The following MACROD2 variants were observed in gnomAD, a reference collection of about 807,000 sequenced individuals.
MACROD2 encodes ADP-ribose glycohydrolase MACROD2.
MACROD2 carries 36 observed loss-of-function variants against 70.4 expected under a neutral mutation model. The observed-to-expected ratio is 0.51, with a 90% CI of 0.39 to 0.68. The LOEUF (loss-of-function observed/expected upper bound fraction) is 0.68. Ranked by LOEUF, MACROD2 falls within the 30% of genes least tolerant of loss-of-function variation. The pLI is 0.00. For missense variants in MACROD2, 496 were observed against 538.4 expected, an observed-to-expected ratio of 0.92 and a Z score of 0.78; for synonymous variants, 172 against 178.8, an observed-to-expected ratio of 0.96 and a Z score of 0.30.
chr20:15,464,693 C>T (rs2046862315), intron 7 of MACROD2, among the ~76,000 whole-genome samples: 1 of 152,222 alleles, frequency 6.6e-6, no homozygotes. Context: ...TGTACCTGTT[C>T]AGATGGTAAT....
chr20:14,429,812 T>C (rs2083975677), intron 3 of MACROD2, among the ~76,000 whole-genome samples: 1 of 152,120 alleles, frequency 6.6e-6, no homozygotes. Context: ...TATAGATCAA[T>C]GGCCCTGCCT....
At chr20:14,734,449 C>T (rs1354664567) in intron 5 of MACROD2, among the ~76,000 whole-genome samples, 4 of 149,534 alleles carry the variant, frequency 2.7e-5, no homozygotes, top group Admixed American at 6.7e-5. Flanking sequence ...TGCAGTGAGC[C>T]GAGATCAAAC....
intron 3 of MACROD2, among the ~76,000 whole-genome samples, chr20:14,354,885 T>C (rs2083158205): frequency 6.6e-6 from 1 of 152,202 alleles, no homozygotes; most frequent in African/African-American, 2.4e-5. Context: ...GAACATGCAG[T>C]ATTTGGTTTT....
At chr20:15,421,659 T>C (rs1378588950) in intron 6 of MACROD2, among the ~76,000 whole-genome samples, 1 of 152,218 alleles carries the variant, frequency 6.6e-6, no homozygotes, top group Non-Finnish European at 1.5e-5. Context: ...GATGCTTGTA[T>C]AGATCTTATA....
chr20:15,124,134 T>G (rs898662121), intron 5 of MACROD2, among the ~76,000 whole-genome samples: 4 of 151,836 alleles, frequency 2.6e-5, no homozygotes, highest in African/African-American at 7.2e-5. Context: ...CTCTCTTTGA[T>G]TTTTTTTGAT....
chr20:14,812,894 A>G (rs1023698492), intron 5 of MACROD2, among the ~76,000 whole-genome samples: 1 of 152,100 alleles, frequency 6.6e-6, no homozygotes, highest in Non-Finnish European at 1.5e-5. Flanking sequence ...TTCAAATGCC[A>G]GTAGCAAGCC....
intron 3 of MACROD2, among the ~76,000 whole-genome samples, chr20:14,456,984 G>C (rs544342200): frequency 6.6e-6 from 1 of 151,816 alleles, no homozygotes; most frequent in South Asian, 2.1e-4. Context: ...CCTGGTTTCC[G>C]TTGGACTTTA....
chr20:14,089,306 G>A (rs2054119309), intron 3 of MACROD2, among the ~76,000 whole-genome samples: 1 of 152,174 alleles, frequency 6.6e-6, no homozygotes, highest in Non-Finnish European at 1.5e-5. Context: ...TGGTGTGGAA[G>A]GAGTGGAACA....
chr20:14,284,137 C>G (rs2082326813), intron 3 of MACROD2, among the ~76,000 whole-genome samples: 1 of 152,144 alleles, frequency 6.6e-6, no homozygotes, highest in Non-Finnish European at 1.5e-5. Flanking sequence ...ATGGCAGTGT[C>G]TGTAGATTGT....
chr20:15,693,703 CT>C (rs1230890558), intron 8 of MACROD2, among the ~76,000 whole-genome samples: 1 of 152,006 alleles, frequency 6.6e-6, no homozygotes, highest in Non-Finnish European at 1.5e-5. Context: ...TCTTTTATTT[CT>C]TTTTTAAAAA....
At chr20:15,181,150 A>G (rs1045598625) in intron 5 of MACROD2, among the ~76,000 whole-genome samples, 2 of 152,210 alleles carry the variant, frequency 1.3e-5, no homozygotes, top group African/African-American at 4.8e-5. Context: ...TCAGCTCTCC[A>G]TATCTACAGG....
chr20:16,000,831 T>C (rs1042835641), intron 15 of MACROD2, among the ~76,000 whole-genome samples: 1 of 152,224 alleles, frequency 6.6e-6, no homozygotes, highest in South Asian at 2.1e-4. Flanking sequence ...TGTAATAATA[T>C]GGATGTTTAT....
intron 9 of MACROD2, among the ~76,000 whole-genome samples, chr20:15,867,013 G>C (rs2064502852): frequency 6.6e-6 from 1 of 152,114 alleles, no homozygotes; most frequent in Non-Finnish European, 1.5e-5. Flanking sequence ...GATTATTCTG[G>C]AGGCTAGAAG....
In MACROD2 at chr20:15,091,055, G is replaced by A. The variant is rs577903257; in HGVS notation, c.419-138885G>A. On this transcript the variant is annotated intron_variant, in intron 5 of 17. Transcript: ENST00000684519. ...CCAACTATAGCATCCTTCAACCAAG[G>A]ATGAGGTGTAAATGCCTCAACTTCC... 2.6e-5 allele frequency among the ~76,000 whole-genome samples: 4 copies of A among 151,960 alleles called. No individual in the cohort carries two copies. The South Asian group carries it at 8.3e-4, about 32-fold the overall frequency.
In MACROD2 at chr20:14,977,480, C is replaced by T. The variant is rs145861024; in HGVS notation, c.419-252460C>T. Among the ~76,000 whole-genome samples, 677 of 150,872 alleles carry T rather than the reference C, an allele frequency of 4.5e-3. 8 individuals carry two copies. Among genetic ancestry groups the T allele is most frequent in the African/African-American group, 0.016 (645 of 40,646 alleles). On this transcript the variant is annotated intron_variant, in intron 5 of 17. Transcript: ENST00000684519. ...AAAAAGATACACACACACACACACA[C>T]ACACACACACACACACACACAATTA...
At chr20:15,956,238 A>G (rs1334849962) in intron 12 of MACROD2, among the ~76,000 whole-genome samples, 2 of 152,226 alleles carry the variant, frequency 1.3e-5, no homozygotes, top group African/African-American at 4.8e-5. Context: ...TCTTGCCTGC[A>G]GAGTTTGATG....
chr20:14,991,302 T>C (rs889328742), intron 5 of MACROD2, among the ~76,000 whole-genome samples: 2 of 152,166 alleles, frequency 1.3e-5, no homozygotes, highest in African/African-American at 4.8e-5. Flanking sequence ...TTGCATCATT[T>C]TTTTTTTAAA....
chr20:15,980,071 GGC>G (rs1242399149), intron 13 of MACROD2, among the ~76,000 whole-genome samples: 20 of 152,206 alleles, frequency 1.3e-4, no homozygotes, highest in Non-Finnish European at 2.6e-4. Flanking sequence ...GGGGGTACGT[GGC>G]AGGGGCTGCA....
chr20:14,683,782 G>A (rs1395268662), intron 4 of MACROD2, among the ~76,000 whole-genome samples: 1 of 152,082 alleles, frequency 6.6e-6, no homozygotes, highest in Non-Finnish European at 1.5e-5. Flanking sequence ...GAGAGGAGAA[G>A]TCTTCAGACC....
Sources: allele counts gnomAD v4.1 joint callset (sites outside exome capture counted in the v4.1 genomes callset), GRCh38; gene constraint gnomAD v4.1.1; transcripts MANE v1.5; gene names NCBI Gene and HGNC (gene_info 2026-07-23, HGNC 2026-07-21).